The following ADGRL2 variants were observed in gnomAD, a reference collection of about 807,000 sequenced individuals.
ADGRL2 encodes the protein calcium-independent alpha-latrotoxin receptor 2.
Under a neutral mutation model 157.4 loss-of-function variants are expected in ADGRL2, and 44 were observed. The observed-to-expected ratio is 0.28, with a 90% CI of 0.22 to 0.36. ADGRL2 has a LOEUF of 0.36. Among genes scored for constraint, ADGRL2 ranks in the 10% least tolerant of loss-of-function variants. The pLI, the probability that ADGRL2 is intolerant of heterozygous loss-of-function variation, is 1.00. For synonymous variants in ADGRL2, 585 were observed against 624.7 expected (o/e 0.94, Z 0.95); for missense variants, 1,510 against 1,768.9 (o/e 0.85, Z 2.63).
At chr1:81,319,441 G>A in intron 1 of ADGRL2, among the ~76,000 whole-genome samples, 1 of 151,900 alleles carries the variant, frequency 6.6e-6, no homozygotes, top group East Asian at 1.9e-4. Flanking sequence ...TCATAGATAA[G>A]AAAGGCTGTG....
intron 2 of ADGRL2, among the ~76,000 whole-genome samples, chr1:81,789,651 G>A (rs1320279559): frequency 1.4e-5 from 2 of 141,752 alleles, no homozygotes; most frequent in African/African-American, 5.3e-5. Flanking sequence ...GCTTGAACCT[G>A]AAAGGTGGAG....
chr1:81,474,139 A>G (rs571408285), intron 2 of ADGRL2, among the ~76,000 whole-genome samples: 5 of 152,362 alleles, frequency 3.3e-5, no homozygotes, highest in African/African-American at 1.2e-4. Flanking sequence ...TGGATATGAA[A>G]TGAACGTTTG....
At chr1:81,789,451 G>A (rs1456634154) in intron 2 of ADGRL2, among the ~76,000 whole-genome samples, 2 of 152,024 alleles carry the variant, frequency 1.3e-5, no homozygotes, top group East Asian at 3.9e-4. Flanking sequence ...AATGTTGCTG[G>A]GAGCAGTAGC....
chr1:81,820,556 G>A (rs1023322213), intron 1 of ADGRL2, among the ~76,000 whole-genome samples: 2 of 150,900 alleles, frequency 1.3e-5, no homozygotes, highest in Non-Finnish European at 3.0e-5. Flanking sequence ...TCATTTTTTG[G>A]GGGGAAGACT....
At chr1:81,486,805 T>C (rs1039556945) in intron 2 of ADGRL2, among the ~76,000 whole-genome samples, 3 of 152,204 alleles carry the variant, frequency 2.0e-5, no homozygotes, top group African/African-American at 7.2e-5. Flanking sequence ...ATTATTTTCA[T>C]TTTTAATTCT....
chr1:81,851,339 C>A (rs530842366), intron 2 of ADGRL2, among the ~76,000 whole-genome samples: 23 of 151,818 alleles, frequency 1.5e-4, no homozygotes, highest in African/African-American at 5.3e-4. Context: ...GCTAATATTG[C>A]CATTTGCTTT....
rs1210408095 is a variant in ADGRL2, at chr1:81,985,367, G to A, written c.3508+12G>A. 2 of 1,509,780 alleles carry A rather than the reference G, an allele frequency of 1.3e-6. No homozygotes were observed. The highest frequency in any genetic ancestry group is 2.4e-5 in the South Asian group (2 of 85,048). The allele number at this position is 1,509,780 out of a possible 1,614,324, so 93.5% of individuals were successfully genotyped here. Reference sequence around the variant, plus strand: ...AACACTTAATCAAGGTCAGTTATCAGGAAAATTTGAGTTACTACCATTTAT... The same window carrying A: ...AACACTTAATCAAGGTCAGTTATCAAGAAAATTTGAGTTACTACCATTTAT... On this transcript the variant is annotated intron_variant, in intron 21 of 23. Coordinates refer to ENST00000686636, the MANE Select transcript of ADGRL2 (RefSeq NM_001366006.2).
At chr1:81,549,024 A>G (rs1253877415) in intron 2 of ADGRL2, among the ~76,000 whole-genome samples, 2 of 152,236 alleles carry the variant, frequency 1.3e-5, no homozygotes, top group African/African-American at 4.8e-5. Context: ...GCTTTAGGCA[A>G]CTTTCAAGTA....
chr1:81,755,875 A>G (rs1269262911), intron 1 of ADGRL2, among the ~76,000 whole-genome samples: 2 of 152,258 alleles, frequency 1.3e-5, no homozygotes, highest in Middle Eastern at 3.4e-3. Context: ...CAGTCTTGCA[A>G]TTCACAGTAT....
intron 3 of ADGRL2, among the ~76,000 whole-genome samples, chr1:81,594,923 A>G (rs1323476559): frequency 2.0e-5 from 3 of 152,264 alleles, no homozygotes; most frequent in Non-Finnish European, 4.4e-5. Flanking sequence ...GTGAAGCAGC[A>G]AACACATTTA....
intron 2 of ADGRL2, among the ~76,000 whole-genome samples, chr1:81,874,813 C>G (rs180901164): frequency 6.6e-6 from 1 of 152,106 alleles, no homozygotes; most frequent in African/African-American, 2.4e-5. Context: ...TCAAGTGATT[C>G]TCCTGCTTCA....
chr1:81,941,803 T>C (rs190745304), intron 4 of ADGRL2, among the ~76,000 whole-genome samples: 21 of 151,910 alleles, frequency 1.4e-4, no homozygotes, highest in African/African-American at 5.1e-4. Flanking sequence ...ATTGCCTCCT[T>C]AATCTCCTAA....
intron 2 of ADGRL2, among the ~76,000 whole-genome samples, chr1:81,555,887 T>G (rs796879456): frequency 2.6e-5 from 4 of 152,280 alleles, no homozygotes; most frequent in Non-Finnish European, 4.4e-5. Flanking sequence ...GTAGCTCACT[T>G]ATGCCCCCAT....
At chr1:81,826,599 G>A (rs34875519) in intron 1 of ADGRL2, among the ~76,000 whole-genome samples, 11,106 of 152,220 alleles carry the variant, frequency 0.073, 509 homozygotes, top group South Asian at 0.16. Context: ...GTGTATGGTT[G>A]GCCCTTCGCC....
chr1:81,729,758 T>A (rs996510731), intron 1 of ADGRL2, among the ~76,000 whole-genome samples: 3 of 152,222 alleles, frequency 2.0e-5, no homozygotes, highest in African/African-American at 7.2e-5. Flanking sequence ...AAATTACATT[T>A]AAGTTACACG....
intron 2 of ADGRL2, among the ~76,000 whole-genome samples, chr1:81,511,622 T>C (rs2148090069): frequency 6.6e-6 from 1 of 152,266 alleles, no homozygotes; most frequent in African/African-American, 2.4e-5. Context: ...TTTAAATTAG[T>C]AATCTCACTT....
intron 2 of ADGRL2, among the ~76,000 whole-genome samples, chr1:81,885,980 A>T (rs2094119671): frequency 6.6e-6 from 1 of 152,178 alleles, no homozygotes; most frequent in South Asian, 2.1e-4. Flanking sequence ...TGGATCTTAT[A>T]TTGGGCGATG....
At chr1:81,402,092 G>C (rs1429996858) in intron 1 of ADGRL2, among the ~76,000 whole-genome samples, 1 of 152,028 alleles carries the variant, frequency 6.6e-6, no homozygotes, top group Non-Finnish European at 1.5e-5. Flanking sequence ...AAAACAGGTA[G>C]CAAATTAGTC....
At chr1:81,537,742 C>T (rs1222954331) in intron 2 of ADGRL2, among the ~76,000 whole-genome samples, 1 of 150,850 alleles carries the variant, frequency 6.6e-6, no homozygotes, top group Non-Finnish European at 1.5e-5. Flanking sequence ...TCTTGTCACC[C>T]AGTCTGGAGT....
Sources: allele counts gnomAD v4.1 joint callset (sites outside exome capture counted in the v4.1 genomes callset), GRCh38; gene constraint gnomAD v4.1.1; transcripts MANE v1.5; gene names NCBI Gene and HGNC (gene_info 2026-07-23, HGNC 2026-07-21).